The following CSRNP3 variants were observed in gnomAD, a reference collection of about 807,000 sequenced individuals.
CSRNP3 encodes cysteine/serine-rich nuclear protein 3.
In CSRNP3, 12 loss-of-function variants were observed where a neutral mutation model predicts 48.0. The observed-to-expected ratio is 0.25, with a 90% confidence interval of 0.16 to 0.41. The LOEUF (loss-of-function observed/expected upper bound fraction) is 0.41. CSRNP3 is among the 10% of genes least tolerant of loss of function. CSRNP3 has a pLI of 1.00. For synonymous variants in CSRNP3, 263 were observed against 269.7 expected (o/e 0.98, Z 0.24); for missense variants, 580 against 724.4 (o/e 0.80, Z 2.29).
At chr2:165,665,844 G>C (rs1687175096) in intron 5 of CSRNP3, among the ~76,000 whole-genome samples, 1 of 149,016 alleles carries the variant, frequency 6.7e-6, no homozygotes. Context: ...AGGAAGCAAG[G>C]AAGGAAGGAA....
chr2:165,663,757 T>G lies in CSRNP3; in HGVS notation c.408+5737T>G, dbSNP rs13402841. ...GTTAAAGTTGCTCACTAAAGTGGATTGTGTACTTCTCTTCCCAATGGTAGC... is the reference window on the plus strand; with the variant it reads ...GTTAAAGTTGCTCACTAAAGTGGATGGTGTACTTCTCTTCCCAATGGTAGC... On this transcript the variant is annotated intron_variant, in intron 5 of 6. Coordinates refer to ENST00000651982, the MANE Select transcript of CSRNP3 (RefSeq NM_001172173.2). Among the ~76,000 whole-genome samples, 1,382 of 152,324 alleles carry G rather than the reference T, an allele frequency of 9.1e-3. 21 individuals are homozygous for G. The highest frequency in any genetic ancestry group is 0.031 in the African/African-American group (1,284 of 41,578).
chr2:165,629,356 A>G (rs1462954326), intron 4 of CSRNP3, among the ~76,000 whole-genome samples: 1 of 152,162 alleles, frequency 6.6e-6, no homozygotes, highest in Non-Finnish European at 1.5e-5. Context: ...ATTATATAGT[A>G]TTCAACAACA....
chr2:165,594,859 A>T (rs1487056684), intron 3 of CSRNP3, among the ~76,000 whole-genome samples, 184 bp from the exon 4 acceptor site: 1 of 152,200 alleles, frequency 6.6e-6, no homozygotes, highest in East Asian at 1.9e-4. Flanking sequence ...AAATACTCAT[A>T]TTTAATTTAA....
rs1687571401 is a variant in CSRNP3 at position 165,682,937 on chromosome 2, C to A, written c.*3184C>A. 1 of 152,164 alleles carries A rather than the reference C, an allele frequency of 6.6e-6. No individual in the cohort carries two copies. The highest frequency in any genetic ancestry group is 2.4e-5 in the African/African-American group (1 of 41,444). The allele number at this position is 152,164 out of a possible 1,614,324, so 9.4% of individuals were successfully genotyped here. ...TTTGACACACAACTTTTTAGTCATT[C>A]ACTATCAATTGCAAAGCTTCATGCT... On this transcript the variant is annotated 3_prime_UTR_variant, in exon 7 of 7. Coordinates refer to ENST00000651982, the MANE Select transcript of CSRNP3 (RefSeq NM_001172173.2).
At position 165,531,705 on chromosome 2, in the gene CSRNP3, G is replaced by A. The variant is rs539419713; in HGVS notation, c.-24+13744G>A. On this transcript the variant is annotated intron_variant, in intron 3 of 6. Transcript: ENST00000651982. ...CTAGCAGAAGGCAAGAAATAACTAA[G>A]ATCAGAGCATAACTGAAGGAAATAG... Among the ~76,000 whole-genome samples, 1,168 of 152,162 alleles carry A rather than the reference G, an allele frequency of 7.7e-3. 12 individuals are homozygous for A. Among genetic ancestry groups the A allele is most frequent in the African/African-American group, 0.027 (1,118 of 41,518 alleles).
chr2:165,677,767 A>T (rs1046948850), intron 6 of CSRNP3, among the ~76,000 whole-genome samples: 27 of 152,294 alleles, frequency 1.8e-4, no homozygotes, highest in African/African-American at 6.3e-4. Flanking sequence ...GTCTGCATAC[A>T]GATTAATCTG....
chr2:165,627,135 A>G (rs1306884224), intron 4 of CSRNP3, among the ~76,000 whole-genome samples: 1 of 152,084 alleles, frequency 6.6e-6, no homozygotes, highest in Non-Finnish European at 1.5e-5. Context: ...CCCACTCAAT[A>G]TTTGACTACT....
At chr2:165,564,696 G>T (rs1685276192) in intron 3 of CSRNP3, among the ~76,000 whole-genome samples, 2 of 151,538 alleles carry the variant, frequency 1.3e-5, no homozygotes, top group African/African-American at 4.8e-5. Context: ...CATTCTTATT[G>T]TTTTTACAAA....
At chr2:165,482,067 C>T (rs1345569612) in intron 1 of CSRNP3, among the ~76,000 whole-genome samples, 4 of 151,754 alleles carry the variant, frequency 2.6e-5, no homozygotes, top group African/African-American at 9.7e-5. Context: ...ACATGTACTC[C>T]CTGAACCTAA....
At chr2:165,560,584 A>G (rs992230305) in intron 3 of CSRNP3, among the ~76,000 whole-genome samples, 1 of 152,136 alleles carries the variant, frequency 6.6e-6, no homozygotes, top group African/African-American at 2.4e-5. Flanking sequence ...CCCTACAGCC[A>G]TCTTATCTAC....
At position 165,494,756 on chromosome 2, in the gene CSRNP3, C is replaced by T; in HGVS notation, c.-282-3C>T. ...TGCTTCATTGCTCCTGTTCCTGTTA[C>T]AGGTACATGTGACAGCGTTGCAGCT... On this transcript the variant is annotated splice_region_variant and splice_polypyrimidine_tract_variant and intron_variant, in intron 1 of 6. Coordinates refer to ENST00000651982, the MANE Select transcript of CSRNP3 (RefSeq NM_001172173.2). 1 of 202,560 alleles carries T rather than the reference C, an allele frequency of 4.9e-6. No individual in the cohort carries two copies. The allele number at this position is 202,560 out of a possible 1,614,324, so 12.5% of individuals were successfully genotyped here.
chr2:165,607,885 T>C (rs1686058047), intron 4 of CSRNP3, among the ~76,000 whole-genome samples: 1 of 151,986 alleles, frequency 6.6e-6, no homozygotes, highest in Non-Finnish European at 1.5e-5. Flanking sequence ...TGTTTCTTCT[T>C]TCGCAAAATG....
intron 3 of CSRNP3, among the ~76,000 whole-genome samples, chr2:165,590,744 C>A (rs551796494): frequency 6.6e-6 from 1 of 152,294 alleles, no homozygotes; most frequent in Non-Finnish European, 1.5e-5. Context: ...TGAAGAAGGA[C>A]GTGTTTGCTT....
chr2:165,590,123 G>A (rs975759584), intron 3 of CSRNP3, among the ~76,000 whole-genome samples: 2 of 152,066 alleles, frequency 1.3e-5, no homozygotes, highest in East Asian at 3.9e-4. Context: ...AGATATGCAT[G>A]AACATTTTAT....
intron 3 of CSRNP3, among the ~76,000 whole-genome samples, chr2:165,563,540 T>G (rs1245981384): frequency 6.6e-6 from 1 of 152,160 alleles, no homozygotes; most frequent in Non-Finnish European, 1.5e-5. Context: ...ATTGCTCAAT[T>G]AAACTCCTTT....
At chr2:165,519,050 TTC>T (rs1260891605) in intron 3 of CSRNP3, among the ~76,000 whole-genome samples, 7 of 152,124 alleles carry the variant, frequency 4.6e-5, no homozygotes, top group Admixed American at 4.6e-4. Flanking sequence ...ACATTATAGC[TTC>T]TGTTAGCCTA....
At chr2:165,612,762 T>G (rs1327907619) in intron 4 of CSRNP3, among the ~76,000 whole-genome samples, 1 of 151,940 alleles carries the variant, frequency 6.6e-6, no homozygotes, top group Non-Finnish European at 1.5e-5. Flanking sequence ...CAGGATTTTA[T>G]TATTTCATGG....
At position 165,679,260 on chromosome 2, in the gene CSRNP3, A is replaced by T; in HGVS notation, c.1265A>T (p.His422Leu). The T allele has an allele frequency of 6.2e-7, 1 of 1,614,026 alleles. No homozygotes were observed. Reference sequence around the variant, plus strand: ...GATGGCACCGCCGTTCACGAAAGCCATGCAAAGAATGCTTCTTTTTATGCC... The same window carrying T: ...GATGGCACCGCCGTTCACGAAAGCCTTGCAAAGAATGCTTCTTTTTATGCC... ...YSDGTAVHES[H>L]AKNASFYANS... Residue 422 changes from histidine to leucine, a missense_variant, in exon 7 of 7, where the codon CAT (histidine) becomes CTT (leucine). Coordinates refer to ENST00000651982, the MANE Select transcript of CSRNP3 (RefSeq NM_001172173.2).
intron 4 of CSRNP3, among the ~76,000 whole-genome samples, chr2:165,607,550 A>G (rs1686052180): frequency 1.3e-5 from 2 of 152,212 alleles, no homozygotes. Flanking sequence ...TGCTATAAAT[A>G]CACTATCACT....
Sources: gnomAD v4.1 joint callset for allele counts (sites outside exome capture counted in the v4.1 genomes callset) on GRCh38, gnomAD v4.1.1 for gene constraint, MANE v1.5 for transcripts, NCBI Gene and HGNC (gene_info 2026-07-23, HGNC 2026-07-21) for gene names.